The following ANKRD30B variants were observed in gnomAD, a reference collection of about 807,000 sequenced individuals.
ANKRD30B encodes the protein ankyrin repeat domain-containing protein 30B.
A neutral mutation model predicts 202.2 loss-of-function variants in ANKRD30B; 144 were observed. That is an observed-to-expected ratio of 0.71 (90% CI 0.62 to 0.82). ANKRD30B has a LOEUF of 0.82. ANKRD30B is among the 40% of genes least tolerant of loss of function. The pLI, the probability that ANKRD30B is intolerant of heterozygous loss-of-function variation, is 0.00. For synonymous variants in ANKRD30B, 508 were observed against 561.3 expected, an observed-to-expected ratio of 0.91 and a Z score of 1.34; for missense variants, 1,487 against 1,669.1, an observed-to-expected ratio of 0.89 and a Z score of 1.90.
intron 33 of ANKRD30B, among the ~76,000 whole-genome samples, chr18:14,829,989 G>C (rs1970832349): frequency 6.6e-6 from 1 of 152,156 alleles, no homozygotes; most frequent in African/African-American, 2.4e-5. Context: ...AAGATTGGCT[G>C]TCAAATTAGT....
At chr18:14,752,023 C>A (rs1275185421) in intron 1 of ANKRD30B, among the ~76,000 whole-genome samples, 2 of 152,172 alleles carry the variant, frequency 1.3e-5, no homozygotes, top group East Asian at 3.8e-4. Flanking sequence ...AATTGAGCAT[C>A]TTAGAATCAT....
chr18:14,851,652 G>A lies in ANKRD30B; in HGVS notation c.3708G>A (p.Lys1236=). Residue 1236 remains lysine (K), a synonymous_variant, in exon 42 of 44, where the codon AAG becomes AAA. Transcript: ENST00000690538. ...AAAATAAATACTTTGAGGACATTAA[G>A]ATTTTACAAGAAAAGAATGCTGAAC... The part of the protein sequence containing the change: ...VKENKYFEDI[K]ILQEKNAELQ... 3.7e-6 allele frequency: 6 copies of A among 1,611,138 alleles called. No homozygotes were observed. Among genetic ancestry groups the A allele is most frequent in the Non-Finnish European group, 5.1e-6 (6 of 1,178,822 alleles).
chr18:14,850,169 A>G (rs776777482), intron 40 of ANKRD30B, 45 bp from the exon 41 acceptor site: 1 of 1,240,598 alleles, frequency 8.1e-7, no homozygotes, highest in Non-Finnish European at 1.1e-6. Flanking sequence ...AGTGAATTCT[A>G]TTTTCTAACA....
In ANKRD30B at chr18:14,799,226, A is replaced by G. The variant is rs377232700; in HGVS notation, c.2062A>G (p.Thr688Ala). 4 of 1,573,520 alleles carry G rather than the reference A, an allele frequency of 2.5e-6. No individual in the cohort carries two copies. Among genetic ancestry groups the G allele is most frequent in the African/African-American group, 2.7e-5 (2 of 72,818 alleles). ...TTGTGTTTCCAAACCCATTTAGCCT[A>G]CCTGTGGAAGGAAAGTTTCTCTTCC... ...SPDNDGLLKP[T>A]CGRKVSLPNK... is the part of the protein sequence containing the mutation. Residue 688 changes from threonine (T) to alanine (A), a missense_variant, in exon 22 of 44, where the codon ACC (threonine) becomes GCC (alanine). Physicochemically the swap from Thr to Ala is moderately conservative, Grantham distance 58 (BLOSUM62 0). This residue lies in a region of ANKRD30B where 889 missense variants were observed against 841.4 expected (regional missense o/e 1.06). Transcript: ENST00000690538.
At chr18:14,914,736 T>G in the ANKRD30B span, among the ~76,000 whole-genome samples, 1 of 152,172 alleles carries the variant, frequency 6.6e-6, no homozygotes, top group Non-Finnish European at 1.5e-5. Flanking sequence ...TAGGAAACAG[T>G]ACAGAAAGTG....
chr18:14,860,945 C>A, the ANKRD30B span, among the ~76,000 whole-genome samples: 1 of 151,588 alleles, frequency 6.6e-6, no homozygotes, highest in East Asian at 1.9e-4. Flanking sequence ...AGGTGATCTG[C>A]CTGCCTTGGC....
At chr18:14,795,487 C>G (rs36072341) in intron 16 of ANKRD30B, among the ~76,000 whole-genome samples, 1,804 of 152,214 alleles carry the variant, frequency 0.012, 41 homozygotes, top group African/African-American at 0.04. Flanking sequence ...ATGAGCCATG[C>G]CACCTGGACT....
chr18:14,909,199 CTG>C, the ANKRD30B span, among the ~76,000 whole-genome samples: 1 of 152,186 alleles, frequency 6.6e-6, no homozygotes, highest in South Asian at 2.1e-4. Context: ...GTCACCATGT[CTG>C]TAAATTGACA....
rs755504022 is a variant in ANKRD30B at position 14,784,525 on chromosome 18, A to G, written c.1662A>G (p.Thr554=). ...NKAFELKNEQ[T]LRAAQMFPSE... is the part of the protein sequence containing the mutation. ...CCTTTGAATTGAAGAATGAACAAACATTGAGAGCAGGTAAATTTTTCAATT... is the reference window on the plus strand; with the variant it reads ...CCTTTGAATTGAAGAATGAACAAACGTTGAGAGCAGGTAAATTTTTCAATT... The change falls in exon 14 of 44, where the codon ACA becomes ACG. Residue 554 remains threonine (T), a synonymous_variant. Coordinates refer to ENST00000690538, the MANE Select transcript of ANKRD30B (RefSeq NM_001367607.2). The G allele has an allele frequency of 5.0e-6, 8 of 1,612,756 alleles. No homozygotes were observed. Among genetic ancestry groups the G allele is most frequent in the Non-Finnish European group, 6.8e-6 (8 of 1,179,202 alleles).
rs950939652 is a variant in ANKRD30B, at chr18:14,828,234, T to C, written c.2744-44T>C. The C allele has an allele frequency of 1.1e-5, 16 of 1,400,488 alleles. No homozygotes were observed. In the African/African-American group the frequency reaches 2.0e-4, roughly 18 times the overall value. 86.8% of individuals were successfully genotyped at this position (1,400,488 alleles called of 1,614,324 possible). On this transcript the variant is annotated intron_variant, in intron 32 of 43. Coordinates refer to ENST00000690538, the MANE Select transcript of ANKRD30B (RefSeq NM_001367607.2). ...TGTTTTTAATATTCTGTATTTTTTA[T>C]TTATATTTGTTGATTTAATGTATTT...
At chr18:14,769,258 C>A in intron 7 of ANKRD30B, 85 bp from the exon 8 acceptor site, 1 of 1,052,154 alleles carries the variant, frequency 9.5e-7, no homozygotes. Context: ...AGGCATTTGC[C>A]ATCGTGCCCT....
At chr18:14,749,253 T>C (rs1913013217) in intron 1 of ANKRD30B, among the ~76,000 whole-genome samples, 1 of 152,228 alleles carries the variant, frequency 6.6e-6, no homozygotes, top group South Asian at 2.1e-4. Context: ...ATAAACCAAA[T>C]AAAGCTATTA....
chr18:14,836,335 A>C (rs549603069), intron 34 of ANKRD30B, among the ~76,000 whole-genome samples: 1 of 152,116 alleles, frequency 6.6e-6, no homozygotes, highest in East Asian at 1.9e-4. Flanking sequence ...CTAGTAAATA[A>C]CAACTAGGAA....
At chr18:14,780,550 T>A (rs1967661774) in intron 11 of ANKRD30B, among the ~76,000 whole-genome samples, 1 of 152,206 alleles carries the variant, frequency 6.6e-6, no homozygotes, top group African/African-American at 2.4e-5. Context: ...TGTAGTATAG[T>A]ATAAAAAATA....
the ANKRD30B span, among the ~76,000 whole-genome samples, chr18:14,874,437 T>A: frequency 6.6e-6 from 1 of 152,196 alleles, no homozygotes; most frequent in East Asian, 1.9e-4. Flanking sequence ...TCAAAGTGAG[T>A]AATTCTAAGG....
the ANKRD30B span, among the ~76,000 whole-genome samples, chr18:14,937,900 C>A: frequency 6.6e-6 from 1 of 152,204 alleles, no homozygotes; most frequent in African/African-American, 2.4e-5. Flanking sequence ...TGACTGCCCC[C>A]ACAAACTGTT....
At chr18:14,788,854 T>C (rs1247768300) in intron 15 of ANKRD30B, among the ~76,000 whole-genome samples, 2 of 152,164 alleles carry the variant, frequency 1.3e-5, no homozygotes, top group Non-Finnish European at 2.9e-5. Context: ...ACAATAAACA[T>C]ATGTGTGCAT....
At chr18:14,924,635 C>T in the ANKRD30B span, among the ~76,000 whole-genome samples, 4 of 152,180 alleles carry the variant, frequency 2.6e-5, no homozygotes, top group Non-Finnish European at 5.9e-5. Flanking sequence ...CTCAGACAGA[C>T]GAGGTCCATG....
At position 14,763,770 on chromosome 18, in the gene ANKRD30B, C is replaced by T; in HGVS notation, c.905C>T (p.Thr302Ile). ...ACGGCTGAAAGCTTGCTGGAAAAAACACCTGACGAGGCTGCACGCTTGGTG... is the reference window on the plus strand; with the variant it reads ...ACGGCTGAAAGCTTGCTGGAAAAAATACCTGACGAGGCTGCACGCTTGGTG... ...PDTAESLLEKTPDEAARLVEG... is the reference protein window; with the variant it reads ...PDTAESLLEKIPDEAARLVEG... Residue 302 changes from threonine to isoleucine, a missense_variant, in exon 7 of 44, where the codon ACA (threonine) becomes ATA (isoleucine). Transcript: ENST00000690538. 1.2e-6 allele frequency: 2 copies of T among 1,614,030 alleles called. No homozygotes were observed. Among genetic ancestry groups the T allele is most frequent in the Non-Finnish European group, 1.7e-6 (2 of 1,179,988 alleles).
Sources: allele counts gnomAD v4.1 joint callset (sites outside exome capture counted in the v4.1 genomes callset), GRCh38; gene constraint gnomAD v4.1.1; regional missense constraint gnomAD v4.1.1; transcripts MANE v1.5; gene names NCBI Gene and HGNC (gene_info 2026-07-23, HGNC 2026-07-21).